Variants in GRIK3 observed in about 807,000 individuals in gnomAD.
The protein encoded by GRIK3 is glutamate receptor ionotropic, kainate 3.
In GRIK3, 29 loss-of-function variants were observed where a neutral mutation model predicts 102.5. The observed-to-expected ratio is 0.28, with a 90% CI of 0.21 to 0.39. The LOEUF is 0.39. Ranked by LOEUF, GRIK3 falls within the 10% of genes least tolerant of loss-of-function variation. GRIK3 has a pLI of 1.00. For synonymous variants in GRIK3, 511 were observed against 504.9 expected (o/e 1.01, Z -0.16); for missense variants, 908 against 1,252.4 (o/e 0.73, Z 4.15).
At chr1:37,007,176 G>A (rs1642541285) in intron 1 of GRIK3, among the ~76,000 whole-genome samples, 1 of 152,244 alleles carries the variant, frequency 6.6e-6, no homozygotes, top group Admixed American at 6.5e-5. Context: ...TGCAGGCACT[G>A]AGCAGATGCT....
At chr1:36,857,196 T>C (rs550411468) in intron 7 of GRIK3, among the ~76,000 whole-genome samples, 43 of 152,186 alleles carry the variant, frequency 2.8e-4, no homozygotes, top group Middle Eastern at 3.4e-3. Flanking sequence ...AATTTCCCGA[T>C]TGAGCCAGAG....
intron 10 of GRIK3, 128 bp downstream of exon 10, chr1:36,841,608 G>T: frequency 1.3e-6 from 1 of 767,816 alleles, no homozygotes. Context: ...CAAGGTTGCA[G>T]CATTCATCTC....
At chr1:36,807,130 G>A (rs1030916441) in intron 13 of GRIK3, among the ~76,000 whole-genome samples, 1 of 152,122 alleles carries the variant, frequency 6.6e-6, no homozygotes, top group Non-Finnish European at 1.5e-5. Flanking sequence ...GCCCAGGGCT[G>A]TAGGGTCCTG....
At chr1:36,834,680 C>T (rs1031611813) in intron 10 of GRIK3, among the ~76,000 whole-genome samples, 2 of 152,168 alleles carry the variant, frequency 1.3e-5, no homozygotes, top group Non-Finnish European at 2.9e-5. Context: ...TGGAATTTCC[C>T]TGCTTCAGGG....
chr1:36,910,923 G>C (rs1371369644), intron 1 of GRIK3, among the ~76,000 whole-genome samples: 2 of 152,288 alleles, frequency 1.3e-5, no homozygotes, highest in East Asian at 3.9e-4. Flanking sequence ...CGCTGTCAAG[G>C]TGAGAACGCT....
At chr1:36,919,241 T>C (rs935494782) in intron 1 of GRIK3, among the ~76,000 whole-genome samples, 1 of 152,198 alleles carries the variant, frequency 6.6e-6, no homozygotes, top group Non-Finnish European at 1.5e-5. Context: ...ATGAGTGCTC[T>C]ACTGTGATAA....
intron 1 of GRIK3, among the ~76,000 whole-genome samples, chr1:36,947,684 T>A (rs1320129479): frequency 6.6e-6 from 1 of 151,994 alleles, no homozygotes; most frequent in Non-Finnish European, 1.5e-5. Flanking sequence ...TTCCCCTCCT[T>A]TATTTTTCTT....
At chr1:36,825,567 C>T (rs910422394) in intron 11 of GRIK3, 36 bp downstream of exon 11, 5 of 1,457,142 alleles carry the variant, frequency 3.4e-6, no homozygotes, top group Non-Finnish European at 4.7e-6. Context: ...AGACCTTCAA[C>T]CTTGGGCCCG....
At chr1:36,883,474 C>T (rs916647414) in intron 2 of GRIK3, among the ~76,000 whole-genome samples, 4 of 152,190 alleles carry the variant, frequency 2.6e-5, no homozygotes, top group African/African-American at 7.2e-5. Flanking sequence ...CCTTGGTCAC[C>T]CTTAGGGCCT....
At chr1:36,889,145 G>A (rs1047846938) in intron 2 of GRIK3, among the ~76,000 whole-genome samples, 4 of 151,990 alleles carry the variant, frequency 2.6e-5, no homozygotes, top group African/African-American at 9.7e-5. Context: ...GGTCAGGCTT[G>A]TGAAAGAAAA....
intron 10 of GRIK3, among the ~76,000 whole-genome samples, chr1:36,835,230 T>A (rs74064775): frequency 0.014 from 2,134 of 152,304 alleles, 46 homozygotes; most frequent in African/African-American, 0.047. Flanking sequence ...GCAGGTCCAA[T>A]CTGACAGCAT....
chr1:36,961,447 G>A (rs1255304401), intron 1 of GRIK3, among the ~76,000 whole-genome samples: 1 of 152,230 alleles, frequency 6.6e-6, no homozygotes, highest in Non-Finnish European at 1.5e-5. Context: ...TAGAAAGAGA[G>A]ACAGCCAGGG....
chr1:36,863,914 G>C (rs559561757), intron 5 of GRIK3, among the ~76,000 whole-genome samples: 1 of 152,170 alleles, frequency 6.6e-6, no homozygotes, highest in Admixed American at 6.5e-5. Context: ...CTGGAATGTA[G>C]CGACAAGTGT....
rs907043121 is a variant in GRIK3, at chr1:36,849,184, T to A, written c.1326+1127A>T. Among the ~76,000 whole-genome samples the A allele has an allele frequency of 2.0e-5, 3 of 152,292 alleles. No individual in the cohort carries two copies. The East Asian group carries it at 5.8e-4, about 29-fold the overall frequency. The stretch of plus-strand genomic sequence containing the variant: ...CCCCATTACTTCCCTTCCTGTTCCA[T>A]GACATCTGCCACCCAGCCACCAAGC... On this transcript the variant is annotated intron_variant, in intron 9 of 15. Coordinates refer to ENST00000373091, the MANE Select transcript of GRIK3 (RefSeq NM_000831.4).
rs1293627847 is a variant in GRIK3 at position 36,802,052 on chromosome 1, G to A, written c.2566-7C>T. On this transcript the variant is annotated splice_region_variant and splice_polypyrimidine_tract_variant and intron_variant, in intron 15 of 15. Coordinates refer to ENST00000373091, the MANE Select transcript of GRIK3 (RefSeq NM_000831.4). ...CGGTGCTGCAGAAGGAACGCTGCAG[G>A]AGGGTGGAGGAGAGGGGTCGGAAAA... 6.3e-6 allele frequency: 10 copies of A among 1,598,828 alleles called. No individual in the cohort carries two copies. Among genetic ancestry groups the A allele is most frequent in the Middle Eastern group, 1.7e-4 (1 of 5,984 alleles).
chr1:36,857,556 T>G (rs1372218804), intron 7 of GRIK3, among the ~76,000 whole-genome samples: 1 of 152,172 alleles, frequency 6.6e-6, no homozygotes, highest in African/African-American at 2.4e-5. Context: ...GAGGTGGAGT[T>G]TGCCGGGTGT....
At chr1:37,004,016 C>T (rs991865332) in intron 1 of GRIK3, among the ~76,000 whole-genome samples, 1 of 152,170 alleles carries the variant, frequency 6.6e-6, no homozygotes, top group Non-Finnish European at 1.5e-5. Context: ...AGATGAAATA[C>T]TCGAGGCAGC....
Position 36,801,980 on chromosome 1 carries a change from C to T in GRIK3, c.2631G>A (p.Lys877=). Residue 877 remains lysine, a synonymous_variant, in exon 16 of 16, where the codon AAG becomes AAA. Coordinates refer to ENST00000373091, the MANE Select transcript of GRIK3 (RefSeq NM_000831.4). ...RFSLTCQRRV[K]HKPQPPMMVK... ...CCATCATGGGAGGCTGAGGCTTGTGCTTGACTCGACGCTGGCAGGTAAGGG... is the reference window on the plus strand; with the variant it reads ...CCATCATGGGAGGCTGAGGCTTGTGTTTGACTCGACGCTGGCAGGTAAGGG... 1 of 1,614,016 alleles carries T rather than the reference C, an allele frequency of 6.2e-7. No homozygotes were observed. Among genetic ancestry groups the T allele is most frequent in the Non-Finnish European group, 8.5e-7 (1 of 1,179,954 alleles).
chr1:36,822,912 G>A (rs551582826), intron 11 of GRIK3, among the ~76,000 whole-genome samples: 16 of 152,268 alleles, frequency 1.1e-4, no homozygotes, highest in Admixed American at 1.0e-3. Context: ...ATATCTTGGT[G>A]GCAGTGAAAG....
Sources: allele counts gnomAD v4.1 joint callset (sites outside exome capture counted in the v4.1 genomes callset), GRCh38; gene constraint gnomAD v4.1.1; transcripts MANE v1.5; gene names NCBI Gene and HGNC (gene_info 2026-07-23, HGNC 2026-07-21).